The following CNTNAP5 variants were observed in gnomAD, a reference collection of about 807,000 sequenced individuals.
CNTNAP5 encodes the protein contactin associated protein family member 5.
Under a neutral mutation model 150.2 loss-of-function variants are expected in CNTNAP5, and 72 were observed. That is an observed-to-expected ratio of 0.48 (90% CI 0.40 to 0.58). CNTNAP5 has a LOEUF of 0.58. Among genes scored for constraint, CNTNAP5 ranks in the 20% least tolerant of loss-of-function variants. The pLI is 0.00. For missense variants in CNTNAP5, 1,636 were observed against 1,626.2 expected, an observed-to-expected ratio of 1.01 and a Z score of -0.10; for synonymous variants, 672 against 619.8, an observed-to-expected ratio of 1.08 and a Z score of -1.25.
At chr2:124,692,047 T>C (rs1679310981) in intron 13 of CNTNAP5, among the ~76,000 whole-genome samples, 2 of 152,092 alleles carry the variant, frequency 1.3e-5, no homozygotes, top group Admixed American at 6.6e-5. Flanking sequence ...ACGAATTAGA[T>C]TATTGGATGA....
Position 124,558,058 on chromosome 2 carries a change from C to T in CNTNAP5, c.1650-5159C>T, listed in dbSNP as rs79428257. Among the ~76,000 whole-genome samples, 48 of 152,142 alleles carry T rather than the reference C, an allele frequency of 3.2e-4. No homozygotes were observed. The East Asian group carries it at 4.5e-3, about 14-fold the overall frequency. On this transcript the variant is annotated intron_variant, in intron 10 of 23. Coordinates refer to ENST00000682447, the MANE Select transcript of CNTNAP5 (RefSeq NM_001367498.1). Reference sequence around the variant, plus strand: ...AGATAAAATAGGGAGCCAGAGGAGACGCGTTTAAAATGATCTGCCTTAGGT... The same window carrying T: ...AGATAAAATAGGGAGCCAGAGGAGATGCGTTTAAAATGATCTGCCTTAGGT...
At chr2:124,410,133 G>A (rs1691709347) in intron 3 of CNTNAP5, among the ~76,000 whole-genome samples, 1 of 152,130 alleles carries the variant, frequency 6.6e-6, no homozygotes, top group African/African-American at 2.4e-5. Context: ...AGACAAAGGA[G>A]GCCATTACAT....
chr2:124,792,104 C>A (rs961228482), intron 18 of CNTNAP5, among the ~76,000 whole-genome samples: 1 of 152,024 alleles, frequency 6.6e-6, no homozygotes, highest in South Asian at 2.1e-4. Context: ...ATGCTATTTA[C>A]TATGGCGCAG....
At chr2:124,881,517 T>C (rs1677963893) in intron 21 of CNTNAP5, among the ~76,000 whole-genome samples, 1 of 152,084 alleles carries the variant, frequency 6.6e-6, no homozygotes, top group African/African-American at 2.4e-5. Context: ...ATAAAGCTGA[T>C]ACCTTACCCT....
chr2:124,068,113 C>T (rs967750823), intron 1 of CNTNAP5, among the ~76,000 whole-genome samples: 5 of 149,944 alleles, frequency 3.3e-5, no homozygotes, highest in African/African-American at 1.2e-4. Flanking sequence ...CACAAACGCA[C>T]ATTTACAAGA....
intron 1 of CNTNAP5, among the ~76,000 whole-genome samples, chr2:124,088,830 G>C (rs180732466): frequency 6.6e-6 from 1 of 152,162 alleles, no homozygotes; most frequent in Non-Finnish European, 1.5e-5. Flanking sequence ...CACCACTCAA[G>C]TGCATCTTGA....
At chr2:124,194,387 AT>A (rs1685529839) in intron 1 of CNTNAP5, among the ~76,000 whole-genome samples, 1 of 11,656 alleles carries the variant, frequency 8.6e-5, no homozygotes. Context: ...ATATATATAT[AT>A]ATATATATAT....
chr2:124,182,663 C>A (rs1685238373), intron 1 of CNTNAP5, among the ~76,000 whole-genome samples: 3 of 152,082 alleles, frequency 2.0e-5, no homozygotes, highest in Admixed American at 1.3e-4. Flanking sequence ...TTAACTGTGT[C>A]CACTAAAATT....
At chr2:124,355,214 T>C (rs1446413582) in intron 3 of CNTNAP5, among the ~76,000 whole-genome samples, 4 of 152,130 alleles carry the variant, frequency 2.6e-5, no homozygotes, top group East Asian at 1.9e-4. Context: ...CCACAGTGTT[T>C]ATTAAGTATA....
chr2:124,741,490 A>G (rs1680496948), intron 13 of CNTNAP5, among the ~76,000 whole-genome samples: 1 of 152,244 alleles, frequency 6.6e-6, no homozygotes, highest in African/African-American at 2.4e-5. Flanking sequence ...CAATTGTGCA[A>G]CTAACCTGTT....
intron 1 of CNTNAP5, among the ~76,000 whole-genome samples, chr2:124,125,863 CGT>C (rs1558765827): frequency 2.0e-5 from 3 of 151,914 alleles, no homozygotes; most frequent in African/African-American, 7.3e-5. Context: ...CTTTGAAACC[CGT>C]GAGAAAAAAG....
chr2:124,091,323 G>T (rs1682807894), intron 1 of CNTNAP5, among the ~76,000 whole-genome samples: 2 of 152,158 alleles, frequency 1.3e-5, no homozygotes, highest in Admixed American at 1.3e-4. Flanking sequence ...CGGTGAGAAA[G>T]GAGTACTTGG....
At chr2:124,884,057 GTA>G (rs1349138517) in intron 21 of CNTNAP5, among the ~76,000 whole-genome samples, 2 of 152,052 alleles carry the variant, frequency 1.3e-5, no homozygotes, top group South Asian at 2.1e-4. Context: ...CACTCTGTGT[GTA>G]TATGTGTATG....
In CNTNAP5 at chr2:124,740,161, G is replaced by A. The variant is rs532683122; in HGVS notation, c.2078-7068G>A. On this transcript the variant is annotated intron_variant, in intron 13 of 23. Coordinates refer to ENST00000682447, the MANE Select transcript of CNTNAP5 (RefSeq NM_001367498.1). ...ATTTAATTTACATATAATTATATATGTGTGTATACACATGCACATACACAC... is the reference window on the plus strand; with the variant it reads ...ATTTAATTTACATATAATTATATATATGTGTATACACATGCACATACACAC... Among the ~76,000 whole-genome samples the A allele has an allele frequency of 3.3e-5, 5 of 151,154 alleles. No individual in the cohort carries two copies. The South Asian group carries it at 1.0e-3, about 31-fold the overall frequency.
chr2:124,402,979 T>C lies in CNTNAP5; in HGVS notation c.382-14464T>C, dbSNP rs553047601. The stretch of plus-strand genomic sequence containing the variant: ...GCAGTTTGGAACTTTGAAGGCTGAA[T>C]GGGTTTGTCAATTTTAGCTTTAAGT... On this transcript the variant is annotated intron_variant, in intron 3 of 23. Coordinates refer to ENST00000682447, the MANE Select transcript of CNTNAP5 (RefSeq NM_001367498.1). Among the ~76,000 whole-genome samples, 134 of 152,372 alleles carry C rather than the reference T, an allele frequency of 8.8e-4. 1 individual carries two copies. Among genetic ancestry groups the C allele is most frequent in the African/African-American group, 3.1e-3 (128 of 41,586 alleles).
At chr2:124,365,952 C>T (rs1415402884) in intron 3 of CNTNAP5, among the ~76,000 whole-genome samples, 2 of 152,118 alleles carry the variant, frequency 1.3e-5, no homozygotes, top group Non-Finnish European at 2.9e-5. Flanking sequence ...ACAAGTGGTG[C>T]CTGGGATGCA....
At chr2:124,619,953 CAGTTT>C (rs1677577880) in intron 12 of CNTNAP5, among the ~76,000 whole-genome samples, 1 of 145,038 alleles carries the variant, frequency 6.9e-6, no homozygotes, top group Non-Finnish European at 1.5e-5. Context: ...CACACACACA[CAGTTT>C]AGTTTATTCA....
intron 8 of CNTNAP5, among the ~76,000 whole-genome samples, chr2:124,504,857 C>G (rs770227264): frequency 3.3e-5 from 5 of 152,036 alleles, no homozygotes; most frequent in African/African-American, 1.2e-4. Flanking sequence ...CAGATGCACA[C>G]CACCACATCC....
In CNTNAP5 at chr2:124,914,317, T is replaced by C; in HGVS notation, c.*29T>C. On this transcript the variant is annotated 3_prime_UTR_variant, in exon 24 of 24. Coordinates refer to ENST00000682447, the MANE Select transcript of CNTNAP5 (RefSeq NM_001367498.1). ...ACTGCAGGGTTCCTACTACTCTTTT[T>C]TCTTGTTGTTCAATTATCTCCTCCC... 6.6e-7 allele frequency: 1 copy of C among 1,512,550 alleles called. No individual in the cohort carries two copies. 93.7% of individuals were successfully genotyped at this position (1,512,550 alleles called of 1,614,324 possible). A position where few individuals can be genotyped will look rare whatever the true frequency, so the allele number is the denominator to read the frequency against.
Sources: allele counts gnomAD v4.1 joint callset (sites outside exome capture counted in the v4.1 genomes callset), GRCh38; gene constraint gnomAD v4.1.1; transcripts MANE v1.5; gene names NCBI Gene and HGNC (gene_info 2026-07-23, HGNC 2026-07-21).